The following TMEM266 variants were observed in gnomAD, a reference collection of about 807,000 sequenced individuals.
TMEM266 encodes the protein transmembrane protein 266, also known as Hv1 related protein 1.
A neutral mutation model predicts 50.5 loss-of-function variants in TMEM266; 33 were observed. The observed-to-expected ratio is 0.65, with a 90% CI of 0.50 to 0.87. The LOEUF is 0.87. Among genes scored for constraint, TMEM266 ranks in the 40% least tolerant of loss-of-function variants. The pLI is 0.00. For missense variants in TMEM266, 655 were observed against 695.1 expected, an observed-to-expected ratio of 0.94 and a Z score of 0.65; for synonymous variants, 310 against 292.3, an observed-to-expected ratio of 1.06 and a Z score of -0.62.
chr15:76,156,219 G>A lies in TMEM266; in HGVS notation c.228-385G>A, dbSNP rs376159326. On this transcript the variant is annotated intron_variant, in intron 3 of 10. Coordinates refer to ENST00000388942, the MANE Select transcript of TMEM266 (RefSeq NM_152335.3). ...CTACAAAAATACAAAAATTAGCCGG[G>A]CATGGTGACACACACCTGTAGCCCC... Among the ~76,000 whole-genome samples the A allele has an allele frequency of 1.6e-4, 24 of 152,252 alleles. No individual in the cohort carries two copies. In the East Asian group the frequency reaches 3.9e-3, roughly 24 times the overall value.
intron 1 of TMEM266, among the ~76,000 whole-genome samples, chr15:76,110,060 C>T (rs1027332370): frequency 1.3e-5 from 2 of 151,908 alleles, no homozygotes; most frequent in Non-Finnish European, 2.9e-5. Flanking sequence ...AGTGCAATGG[C>T]GCGATCTCAG....
intron 1 of TMEM266, among the ~76,000 whole-genome samples, chr15:76,122,546 G>A (rs954923041): frequency 6.6e-6 from 1 of 152,168 alleles, no homozygotes; most frequent in African/African-American, 2.4e-5. Context: ...ACATATTTTA[G>A]TTAATAGCAT....
intron 10 of TMEM266, among the ~76,000 whole-genome samples, chr15:76,202,708 G>C (rs995833862): frequency 6.6e-6 from 1 of 152,154 alleles, no homozygotes; most frequent in Non-Finnish European, 1.5e-5. Flanking sequence ...GGGAAGCCTA[G>C]TGGTTTTTAC....
chr15:76,093,646 G>C (rs2036884276), intron 1 of TMEM266, among the ~76,000 whole-genome samples: 2 of 152,148 alleles, frequency 1.3e-5, no homozygotes, highest in African/African-American at 4.8e-5. Flanking sequence ...GGATTGCTGG[G>C]TCAAATGGTA....
chr15:76,160,258 C>T lies in TMEM266; in HGVS notation c.456+90C>T, dbSNP rs189856796. On this transcript the variant is annotated intron_variant, in intron 5 of 10. Transcript: ENST00000388942. The surrounding 1 kb of genome is among the most constrained non-coding windows in gnomAD (Gnocchi z 5.7). ...GTCTACTTCTCGAAATGGTTTCTAGCATCAGGTCCCCTGCTAGCCCTTGAG... is the reference window on the plus strand; with the variant it reads ...GTCTACTTCTCGAAATGGTTTCTAGTATCAGGTCCCCTGCTAGCCCTTGAG... The T allele has an allele frequency of 1.7e-4, 225 of 1,286,186 alleles. No homozygotes were observed. The African/African-American group carries it at 2.7e-3, about 16-fold the overall frequency. The allele number at this position is 1,286,186 out of a possible 1,614,324, so 79.7% of individuals were successfully genotyped here. A position where few individuals can be genotyped will look rare whatever the true frequency, so the allele number is the denominator to read the frequency against.
intron 1 of TMEM266, among the ~76,000 whole-genome samples, chr15:76,124,321 A>G (rs1160085273): frequency 6.6e-6 from 1 of 152,364 alleles, no homozygotes; most frequent in South Asian, 2.1e-4. Context: ...AGACAGGGGC[A>G]TGGAAGGATG....
At chr15:76,198,750 A>C (rs2038693931) in intron 9 of TMEM266, among the ~76,000 whole-genome samples, 1 of 151,314 alleles carries the variant, frequency 6.6e-6, no homozygotes, top group African/African-American at 2.4e-5. Context: ...CTGTGGGTGA[A>C]GACAGAACCG....
rs1194226342 is a variant in TMEM266, at chr15:76,204,363, C to T, written c.*48C>T. 1 of 1,527,990 alleles carries T rather than the reference C, an allele frequency of 6.5e-7. No individual in the cohort carries two copies. Among genetic ancestry groups the T allele is most frequent in the Non-Finnish European group, 8.9e-7 (1 of 1,126,326 alleles). 94.7% of individuals were successfully genotyped at this position (1,527,990 alleles called of 1,614,324 possible). ...ATGAGGGGAGACAGCCATCTCAAAG[C>T]TCTCCTGGGACCCTGGAGGCTGCCA... On this transcript the variant is annotated 3_prime_UTR_variant, in exon 11 of 11. Transcript: ENST00000388942.
rs944268416 is a variant in TMEM266 at position 76,204,588 on chromosome 15, G to C, written c.*273G>C. Reference sequence around the variant, plus strand: ...ACCATTTTTACAAAAACCAGCCTGTGGCCCAGCTTCAGCAGGGTAGAGTGT... The same window carrying C: ...ACCATTTTTACAAAAACCAGCCTGTCGCCCAGCTTCAGCAGGGTAGAGTGT... On this transcript the variant is annotated 3_prime_UTR_variant, in exon 11 of 11. Coordinates refer to ENST00000388942, the MANE Select transcript of TMEM266 (RefSeq NM_152335.3). 1 of 298,810 alleles carries C rather than the reference G, an allele frequency of 3.3e-6. No homozygotes were observed. The highest frequency in any genetic ancestry group is 4.6e-5 in the Admixed American group (1 of 21,660). The allele number at this position is 298,810 out of a possible 1,614,324, so 18.5% of individuals were successfully genotyped here.
Position 76,161,033 on chromosome 15 carries a change from G to A in TMEM266, c.456+865G>A, listed in dbSNP as rs1009368486. ...GGCAGGGTTTTATCCTGTCCCGTGC[G>A]CACTGGAGGGTCACTGAAGGACAGG... is the stretch of plus-strand genomic sequence containing the variant. On this transcript the variant is annotated intron_variant, in intron 5 of 10. Coordinates refer to ENST00000388942, the MANE Select transcript of TMEM266 (RefSeq NM_152335.3). The surrounding 1 kb of genome is among the most constrained non-coding windows in gnomAD (Gnocchi z 4.1). Among the ~76,000 whole-genome samples the A allele has an allele frequency of 7.9e-5, 12 of 152,156 alleles. No homozygotes were observed. Among genetic ancestry groups the A allele is most frequent in the African/African-American group, 1.7e-4 (7 of 41,438 alleles).
At chr15:76,186,061 C>A (rs1200481878) in intron 8 of TMEM266, among the ~76,000 whole-genome samples, 1 of 152,156 alleles carries the variant, frequency 6.6e-6, no homozygotes. Flanking sequence ...ATCAAGCTGC[C>A]CTGGATTCTG....
chr15:76,135,297 C>T (rs546603805), intron 2 of TMEM266, among the ~76,000 whole-genome samples: 3 of 152,242 alleles, frequency 2.0e-5, no homozygotes, highest in African/African-American at 7.2e-5. Context: ...TAAATATAGC[C>T]TATACACTGT....
chr15:76,182,501 C>G (rs2469562), intron 8 of TMEM266, among the ~76,000 whole-genome samples: 38,185 of 151,352 alleles, frequency 0.25, 5,109 homozygotes, highest in African/African-American at 0.31. Flanking sequence ...AAAATTAGCC[C>G]GGTGTGGTGG....
intron 1 of TMEM266, among the ~76,000 whole-genome samples, chr15:76,083,046 G>C (rs1309219127): frequency 1.3e-5 from 2 of 152,038 alleles, no homozygotes; most frequent in Non-Finnish European, 2.9e-5. Context: ...TTACTGTGGG[G>C]AGGGAACCTA....
chr15:76,185,192 G>C (rs2038475358), intron 8 of TMEM266, among the ~76,000 whole-genome samples: 1 of 152,150 alleles, frequency 6.6e-6, no homozygotes, highest in Non-Finnish European at 1.5e-5. Flanking sequence ...TCTTGGCCAT[G>C]GTTTCTTTAT....
intron 1 of TMEM266, among the ~76,000 whole-genome samples, chr15:76,102,577 G>T (rs2037015436): frequency 6.6e-6 from 1 of 152,132 alleles, no homozygotes; most frequent in Admixed American, 6.5e-5. Flanking sequence ...GGTGGCTCAT[G>T]CCTGTAATCC....
At chr15:76,163,070 G>A (rs1037921044) in intron 5 of TMEM266, among the ~76,000 whole-genome samples, 4 of 152,218 alleles carry the variant, frequency 2.6e-5, no homozygotes, top group African/African-American at 9.6e-5. Context: ...CTGGAAGGTG[G>A]GTAGGACATT....
intron 1 of TMEM266, among the ~76,000 whole-genome samples, chr15:76,088,493 A>C (rs1227296133): frequency 2.0e-5 from 3 of 152,260 alleles, no homozygotes; most frequent in Non-Finnish European, 4.4e-5. Context: ...TCTCTATTGA[A>C]AAGAAAAAAA....
intron 1 of TMEM266, among the ~76,000 whole-genome samples, chr15:76,115,105 T>G (rs1254510516): frequency 6.6e-6 from 1 of 152,158 alleles, no homozygotes; most frequent in African/African-American, 2.4e-5. Context: ...ACCCCACCTC[T>G]ATTTTTTTAA....
Sources: allele counts gnomAD v4.1 joint callset (sites outside exome capture counted in the v4.1 genomes callset), GRCh38; gene constraint gnomAD v4.1.1; non-coding constraint Gnocchi (gnomAD v3.1); transcripts MANE v1.5; gene names NCBI Gene and HGNC (gene_info 2026-07-23, HGNC 2026-07-21).